GALNS: variants seen among roughly 807,000 people sequenced by gnomAD.
The protein encoded by GALNS is N-acetylgalactosamine-6-sulfatase.
Under a neutral mutation model 65.9 loss-of-function variants are expected in GALNS, and 65 were observed. That is an observed-to-expected ratio of 0.99 (90% CI 0.81 to 1.21). GALNS has a LOEUF of 1.21. Among genes scored for constraint, GALNS ranks in the 50% most tolerant of loss-of-function variants. The pLI, the probability that GALNS is intolerant of heterozygous loss-of-function variation, is 0.00. For synonymous variants in GALNS, 346 were observed against 288.9 expected (o/e 1.20, Z -2.00); for missense variants, 776 against 700.7 (o/e 1.11, Z -1.21).
chr16:88,848,915 A>T (rs908562436), intron 1 of GALNS, among the ~76,000 whole-genome samples: 1 of 152,124 alleles, frequency 6.6e-6, no homozygotes, highest in Non-Finnish European at 1.5e-5. Context: ...GGATGCAATG[A>T]TCCATTTCCC....
In GALNS at chr16:88,837,649, A is replaced by C; in HGVS notation, c.539T>G (p.Val180Gly). 6.2e-7 allele frequency: 1 copy of C among 1,613,818 alleles called. No homozygotes were observed. Among genetic ancestry groups the C allele is most frequent in the Non-Finnish European group, 8.5e-7 (1 of 1,179,996 alleles). Residue 180 changes from valine to glycine, a missense_variant, in exon 5 of 14, where the codon GTG becomes GGG. Transcript: ENST00000268695. Reference sequence around the variant, plus strand: ...GCCAACCATCTCCCAGTCCCTGTACACAGGGATGTTGGGCCTGGCCTTGTT... The same window carrying C: ...GCCAACCATCTCCCAGTCCCTGTACCCAGGGATGTTGGGCCTGGCCTTGTT... ...YDNKARPNIP[V>G]YRDWEMVGRY... is the part of the protein sequence containing the mutation.
chr16:88,818,257 C>A, intron 12 of GALNS, 133 bp from the exon 13 acceptor site: 1 of 773,424 alleles, frequency 1.3e-6, no homozygotes, highest in Non-Finnish European at 2.2e-6. Flanking sequence ...GGACCATGTG[C>A]TCAAGCCTGC....
At chr16:88,842,182 G>A in intron 2 of GALNS, 1 of 657,174 alleles carries the variant, frequency 1.5e-6, no homozygotes, top group Non-Finnish European at 2.8e-6. Flanking sequence ...GTGGCCCTTG[G>A]GCCCTGCAGC....
intron 8 of GALNS, among the ~76,000 whole-genome samples, chr16:88,833,303 C>T (rs888739783): frequency 6.6e-6 from 1 of 152,104 alleles, no homozygotes; most frequent in African/African-American, 2.4e-5. Flanking sequence ...GGGCCCTGCT[C>T]ACAGCAGCAG....
intron 4 of GALNS, among the ~76,000 whole-genome samples, chr16:88,839,290 A>C (rs3859023): frequency 0.33 from 39,045 of 118,222 alleles, 6,490 homozygotes; most frequent in East Asian, 0.6. Flanking sequence ...CTCGTGCGCC[A>C]ACGTCCGCAG....
At position 88,842,129 on chromosome 16, in the gene GALNS, C is replaced by T. The variant is rs1411092376; in HGVS notation, c.245-158G>A. On this transcript the variant is annotated intron_variant, in intron 2 of 13. Transcript: ENST00000268695. ...GCCTGTCAATCCCCGTTAGCGTCTC[C>T]ACCACCTGGGTGGGGCACGGCACCC... The T allele has an allele frequency of 2.2e-5, 16 of 731,762 alleles. No homozygotes were observed. The Middle Eastern group carries it at 7.2e-4, about 33-fold the overall frequency. 45.3% of individuals were successfully genotyped at this position (731,762 alleles called of 1,614,324 possible). A position where few individuals can be genotyped will look rare whatever the true frequency, so the allele number is the denominator to read the frequency against.
intron 1 of GALNS, among the ~76,000 whole-genome samples, chr16:88,854,489 G>T (rs1967675264): frequency 6.6e-6 from 1 of 152,214 alleles, no homozygotes; most frequent in Non-Finnish European, 1.5e-5. Flanking sequence ...GCTGGGTCCA[G>T]GCAGATGAGA....
chr16:88,849,295 TA>T (rs1218050317), intron 1 of GALNS, among the ~76,000 whole-genome samples: 2 of 151,970 alleles, frequency 1.3e-5, no homozygotes, highest in Non-Finnish European at 2.9e-5. Context: ...TTATTATCAT[TA>T]TTTTTTGAGA....
chr16:88,823,856 C>T lies in GALNS; in HGVS notation c.1242+911G>A, dbSNP rs1027583771. Among the ~76,000 whole-genome samples, 7 of 151,708 alleles carry T rather than the reference C, an allele frequency of 4.6e-5. No homozygotes were observed. In the East Asian group the frequency reaches 1.2e-3, roughly 25 times the overall value. ...CGATGCCCAGGACGGCCCTCACAGGCGGCAATGCCGGGGACCGATGCCCAG... is the reference window on the plus strand; with the variant it reads ...CGATGCCCAGGACGGCCCTCACAGGTGGCAATGCCGGGGACCGATGCCCAG... On this transcript the variant is annotated intron_variant, in intron 11 of 13. Coordinates refer to ENST00000268695, the MANE Select transcript of GALNS (RefSeq NM_000512.5).
chr16:88,836,229 TC>T lies in GALNS; in HGVS notation c.604del (p.Glu202LysfsTer117), dbSNP rs1382823339. Reference sequence around the variant, plus strand: ...CAGGTAGATCTGGGTGAGGTTGGCTTCCCCCGTCTTCAGATTAATAGGAAAT... The same window carrying T: ...CAGGTAGATCTGGGTGAGGTTGGCTTCCCCGTCTTCAGATTAATAGGAAAT... ...EEFPINLKTG[E>X]ANLTQIYLQE... is the part of the protein sequence containing the mutation. On this transcript the variant is annotated frameshift_variant, in exon 6 of 14. Coordinates refer to ENST00000268695, the MANE Select transcript of GALNS (RefSeq NM_000512.5). LOFTEE classifies it high-confidence loss of function. The T allele has an allele frequency of 2.1e-5, 34 of 1,613,366 alleles. No homozygotes were observed. The highest frequency in any genetic ancestry group is 5.3e-5 in the African/African-American group (4 of 74,914).
At chr16:88,834,364 C>G (rs1175927818) in intron 8 of GALNS, among the ~76,000 whole-genome samples, 11 of 140,830 alleles carry the variant, frequency 7.8e-5, no homozygotes, top group Non-Finnish European at 9.4e-5. Flanking sequence ...GGGCCCCCCC[C>G]CGCGTGGTCT....
intron 10 of GALNS, among the ~76,000 whole-genome samples, chr16:88,825,562 C>T (rs1910794426): frequency 1.3e-5 from 1 of 76,704 alleles, no homozygotes; most frequent in African/African-American, 3.5e-5. Context: ...GTGTCCGGGA[C>T]TGGGATTCCT....
At chr16:88,855,982 T>G in intron 1 of GALNS, 1 of 591,710 alleles carries the variant, frequency 1.7e-6, no homozygotes, top group Non-Finnish European at 3.0e-6. Context: ...GGTTCAAGAA[T>G]GGAAGTGACC....
intron 13 of GALNS, chr16:88,815,945 G>T (rs571990977): frequency 5.1e-6 from 5 of 985,450 alleles, no homozygotes; most frequent in Non-Finnish European, 6.0e-6. Context: ...CTGTGCCAGA[G>T]ACGCCACTGA....
chr16:88,826,669 G>C (rs776559410), intron 10 of GALNS, 33 bp downstream of exon 10: 33 of 1,602,940 alleles, frequency 2.1e-5, no homozygotes, highest in Non-Finnish European at 2.8e-5. Flanking sequence ...TACTTGGATC[G>C]GGGGAAGGGG....
rs1273463889 is a variant in GALNS at position 88,818,028 on chromosome 16, G to T, written c.1461C>A (p.Asn487Lys). The change falls in exon 13 of 14, where the codon AAC becomes AAA. Residue 487 changes from asparagine to lysine, a missense_variant. Transcript: ENST00000268695. Reference protein sequence around the residue: ...EALVPAQPQLNVCNWAVMNWA... With the variant: ...EALVPAQPQLKVCNWAVMNWA... ...TTACCATGACCGCCCAGTTGCACAC[G>T]TTGAGCTGGGGCTGCGCGGGGACCA... 2 of 1,582,998 alleles carry T rather than the reference G, an allele frequency of 1.3e-6. No individual in the cohort carries two copies.
chr16:88,816,272 G>C, intron 13 of GALNS: 1 of 985,450 alleles, frequency 1.0e-6, no homozygotes, highest in Non-Finnish European at 1.2e-6. Flanking sequence ...TGCGCCCGTG[G>C]AGCCACTGCA....
At chr16:88,843,062 C>T in intron 1 of GALNS, 1 of 1,517,096 alleles carries the variant, frequency 6.6e-7, no homozygotes, top group Non-Finnish European at 8.8e-7. Context: ...CACGATGGGG[C>T]CGCTCCACGG....
chr16:88,822,851 C>T, intron 11 of GALNS, 141 bp from the exon 12 acceptor site: 1 of 1,318,174 alleles, frequency 7.6e-7, no homozygotes, highest in Non-Finnish European at 1.0e-6. Flanking sequence ...TAACTGGGGG[C>T]CGTGGGGGGG....
Sources: allele counts gnomAD v4.1 joint callset (sites outside exome capture counted in the v4.1 genomes callset), GRCh38; gene constraint gnomAD v4.1.1; transcripts MANE v1.5; gene names NCBI Gene and HGNC (gene_info 2026-07-23, HGNC 2026-07-21).